The following TDRP variants were observed in gnomAD, a reference collection of about 807,000 sequenced individuals.
TDRP encodes testis development-related protein.
In TDRP, 12 loss-of-function variants were observed where a neutral mutation model predicts 10.5. The observed-to-expected ratio is 1.15, with a 90% CI of 0.73 to 1.86. The LOEUF is 1.86. Among genes scored for constraint, TDRP ranks in the 40% most tolerant of loss-of-function variants. The probability of loss-of-function intolerance (pLI) is 0.00; values close to 1 mark genes in which losing one functional copy is unlikely to be tolerated. For missense variants in TDRP, 353 were observed against 229.2 expected (o/e 1.54, Z -3.49); for synonymous variants, 139 against 95.4 (o/e 1.46, Z -2.67).
At position 528,446 on chromosome 8, in the gene TDRP, G is replaced by GAT. The variant is rs1489113319; in HGVS notation, c.108+16202_108+16203dup. Among the ~76,000 whole-genome samples, 4 of 131,306 alleles carry GAT rather than the reference G, an allele frequency of 3.0e-5. 1 individual carries two copies. Among genetic ancestry groups the GAT allele is most frequent in the Non-Finnish European group, 6.9e-5 (4 of 58,052 alleles). 86.1% of individuals were successfully genotyped at this position (131,306 alleles called of 152,430 possible). A position where few individuals can be genotyped will look rare whatever the true frequency, so the allele number is the denominator to read the frequency against. ...AGAAAGGAAATCAATATATCAAAGA[G>GAT]ATATCTGTGCTTCCAATATATATTG... On this transcript the variant is annotated intron_variant, in intron 1 of 2. Transcript: ENST00000324079.
chr8:509,895 T>G (rs1801566339), intron 1 of TDRP, among the ~76,000 whole-genome samples: 1 of 152,152 alleles, frequency 6.6e-6, no homozygotes, highest in African/African-American at 2.4e-5. Context: ...GACTCCAAAA[T>G]CACTAAGCTA....
chr8:522,054 G>T (rs1801919197), intron 1 of TDRP, among the ~76,000 whole-genome samples: 1 of 151,988 alleles, frequency 6.6e-6, no homozygotes, highest in Non-Finnish European at 1.5e-5. Flanking sequence ...TTTTCATGTT[G>T]ATATTGTATC....
At chr8:523,934 C>G (rs1270811275) in intron 1 of TDRP, among the ~76,000 whole-genome samples, 1 of 152,132 alleles carries the variant, frequency 6.6e-6, no homozygotes, top group Non-Finnish European at 1.5e-5. Context: ...ATTGTAGAGC[C>G]CTAGGGCCTT....
chr8:518,231 G>A (rs545431278), intron 1 of TDRP, among the ~76,000 whole-genome samples: 9 of 152,308 alleles, frequency 5.9e-5, no homozygotes, highest in African/African-American at 1.9e-4. Context: ...GGGCCAGGAG[G>A]CACCTAAGAA....
intron 1 of TDRP, among the ~76,000 whole-genome samples, chr8:534,791 T>C (rs1160290068): frequency 2.6e-5 from 4 of 152,124 alleles, no homozygotes; most frequent in Admixed American, 2.0e-4. Context: ...GAAGCTGAAA[T>C]TGCAAATATG....
rs756378390 is a variant in TDRP at position 534,929 on chromosome 8, ATCC to A, written c.108+9718_108+9720del. On this transcript the variant is annotated intron_variant, in intron 1 of 2. Transcript: ENST00000324079. ...CACCAGTATCATTATCCAGGATTCT[ATCC>A]TCCAAACCAAGACACGCTCTGACTA... Among the ~76,000 whole-genome samples, 5 of 152,292 alleles carry A rather than the reference ATCC, an allele frequency of 3.3e-5. No homozygotes were observed. In the East Asian group the frequency reaches 9.7e-4, roughly 29 times the overall value.
chr8:523,581 T>C (rs1380709935), intron 1 of TDRP, among the ~76,000 whole-genome samples: 1 of 152,166 alleles, frequency 6.6e-6, no homozygotes, highest in African/African-American at 2.4e-5. Context: ...CCCTGAAGGA[T>C]ATGTCCTAGG....
In TDRP at chr8:506,436, ATGCCGTCCCCAGC is replaced by A. The variant is rs759954398; in HGVS notation, c.109-11852_109-11840del. Among the ~76,000 whole-genome samples, 59 of 152,152 alleles carry A rather than the reference ATGCCGTCCCCAGC, an allele frequency of 3.9e-4. 1 individual carries two copies. The highest frequency in any genetic ancestry group is 1.8e-3 in the Admixed American group (28 of 15,286). ...GAGGAACTGGACTTCAGCTTCTCAC[ATGCCGTCCCCAGC>A]TGCCTGTGGCTGACACTAAGCCGCA... On this transcript the variant is annotated intron_variant, in intron 1 of 2. Coordinates refer to ENST00000324079, the MANE Select transcript of TDRP (RefSeq NM_001384899.1).
At chr8:543,308 G>A (rs898596622) in intron 1 of TDRP, among the ~76,000 whole-genome samples, 1 of 152,064 alleles carries the variant, frequency 6.6e-6, no homozygotes, top group Non-Finnish European at 1.5e-5. Context: ...GCAAGACCCT[G>A]TCTCAAAATA....
At chr8:532,218 G>A (rs1368561355) in intron 1 of TDRP, among the ~76,000 whole-genome samples, 1 of 152,204 alleles carries the variant, frequency 6.6e-6, no homozygotes, top group African/African-American at 2.4e-5. Flanking sequence ...GAAGGTGCCT[G>A]TGTTGCATCT....
At chr8:521,369 C>T (rs1423740242) in intron 1 of TDRP, among the ~76,000 whole-genome samples, 1 of 151,584 alleles carries the variant, frequency 6.6e-6, no homozygotes, top group Non-Finnish European at 1.5e-5. Context: ...GTGAGCCGAG[C>T]TCACACCACT....
At chr8:525,109 T>C (rs1293961293) in intron 1 of TDRP, among the ~76,000 whole-genome samples, 2 of 152,136 alleles carry the variant, frequency 1.3e-5, no homozygotes, top group Non-Finnish European at 2.9e-5. Context: ...CTCCGATAGG[T>C]CTGGCAGCAG....
rs1285830549 is a variant in TDRP, at chr8:501,338, G to C, written c.109-6741C>G. On this transcript the variant is annotated intron_variant, in intron 1 of 2. Transcript: ENST00000324079. ...TATTTCATTATAAAGCAAATTTCCTGGTATACTTCTTTTGTTTTGTCTTTT... is the reference window on the plus strand; with the variant it reads ...TATTTCATTATAAAGCAAATTTCCTCGTATACTTCTTTTGTTTTGTCTTTT... Among the ~76,000 whole-genome samples, 2 of 151,798 alleles carry C rather than the reference G, an allele frequency of 1.3e-5. 1 individual carries two copies. The highest frequency in any genetic ancestry group is 2.9e-5 in the Non-Finnish European group (2 of 67,956).
chr8:533,248 T>C (rs995410977), intron 1 of TDRP, among the ~76,000 whole-genome samples: 1 of 152,214 alleles, frequency 6.6e-6, no homozygotes, highest in Admixed American at 6.5e-5. Flanking sequence ...CCCATGTCAC[T>C]GCTGGGCTCC....
chr8:510,960 G>A (rs971085659), intron 1 of TDRP, among the ~76,000 whole-genome samples: 1 of 152,034 alleles, frequency 6.6e-6, no homozygotes, highest in Admixed American at 6.6e-5. Flanking sequence ...AAAAGATGAG[G>A]GTAGAAGCAA....
intron 1 of TDRP, among the ~76,000 whole-genome samples, chr8:543,937 A>AGGGGGGGGGGGGGG (rs1186683495): frequency 5.4e-5 from 1 of 18,644 alleles, no homozygotes; most frequent in Non-Finnish European, 1.1e-4. Context: ...AGGGGGGGGG[A>AGGGGGGGGGGGGGG]GGGGGTGGGG....
intron 1 of TDRP, among the ~76,000 whole-genome samples, chr8:518,717 T>C (rs1447165464): frequency 6.6e-6 from 1 of 151,578 alleles, no homozygotes; most frequent in Non-Finnish European, 1.5e-5. Context: ...TTCTAAGCCT[T>C]AGGGCAAATG....
At chr8:503,584 C>A (rs918831565) in intron 1 of TDRP, among the ~76,000 whole-genome samples, 6 of 146,792 alleles carry the variant, frequency 4.1e-5, no homozygotes, top group Non-Finnish European at 8.9e-5. Context: ...TCCAAAGCCA[C>A]ACATCAGAAC....
At chr8:494,653 G>A (rs1444297946) in intron 1 of TDRP, 56 bp from the exon 2 acceptor site, 19 of 1,473,962 alleles carry the variant, frequency 1.3e-5, no homozygotes, top group East Asian at 4.5e-5. Flanking sequence ...ACAGAATTCC[G>A]CTTTCTACTC....
Sources: gnomAD v4.1 joint callset for allele counts (sites outside exome capture counted in the v4.1 genomes callset) on GRCh38, gnomAD v4.1.1 for gene constraint, MANE v1.5 for transcripts, NCBI Gene and HGNC (gene_info 2026-07-23, HGNC 2026-07-21) for gene names.